The following LIMCH1 variants were observed in gnomAD, a reference collection of about 807,000 sequenced individuals.
The protein encoded by LIMCH1 is LIM and calponin homology domains-containing protein 1.
In LIMCH1, 113 loss-of-function variants were observed where a neutral mutation model predicts 176.5. The observed-to-expected ratio is 0.64, with a 90% CI of 0.55 to 0.75. The LOEUF (loss-of-function observed/expected upper bound fraction) is 0.75, where lower values mean the gene tolerates loss of function less well. Among genes scored for constraint, LIMCH1 ranks in the 30% least tolerant of loss-of-function variants. The pLI, the probability that LIMCH1 is intolerant of heterozygous loss-of-function variation, is 0.00. For synonymous variants in LIMCH1, 619 were observed against 645.9 expected (o/e 0.96, Z 0.63); for missense variants, 1,674 against 1,814.9 (o/e 0.92, Z 1.41).
chr4:41,564,851 A>G (rs1175118046), intron 1 of LIMCH1, among the ~76,000 whole-genome samples: 2 of 152,098 alleles, frequency 1.3e-5, no homozygotes, highest in Non-Finnish European at 2.9e-5. Flanking sequence ...GTGAGTTGTC[A>G]CGAGATCTTA....
At chr4:41,491,505 C>T (rs2154173690) in intron 1 of LIMCH1, among the ~76,000 whole-genome samples, 1 of 150,106 alleles carries the variant, frequency 6.7e-6, no homozygotes, top group African/African-American at 2.5e-5. Context: ...GACAGAGTGG[C>T]CAGGCAGAGG....
At chr4:41,655,946 C>T (rs2094452220) in intron 18 of LIMCH1, among the ~76,000 whole-genome samples, 1 of 152,092 alleles carries the variant, frequency 6.6e-6, no homozygotes, top group African/African-American at 2.4e-5. Context: ...CCTTTCCATG[C>T]CTGTTCATCA....
In LIMCH1 at chr4:41,684,519, G is replaced by T. The variant is rs1266413399; in HGVS notation, c.3967+1G>T. 6.2e-7 allele frequency: 1 copy of T among 1,612,650 alleles called. No homozygotes were observed. Among genetic ancestry groups the T allele is most frequent in the Non-Finnish European group, 8.5e-7 (1 of 1,179,350 alleles). ...GGAACAAACCCACAGCTTGCTCAGG[G>T]TAAGAATGGAGAAGACCAGTTTCAT... On this transcript the variant is annotated splice_donor_variant, in intron 27 of 31. Transcript: ENST00000503057. LOFTEE classifies it high-confidence loss of function.
intron 1 of LIMCH1, among the ~76,000 whole-genome samples, chr4:41,414,100 T>A (rs898800871): frequency 3.3e-5 from 5 of 152,162 alleles, no homozygotes; most frequent in African/African-American, 4.8e-5. Context: ...CCCAAATATC[T>A]GGGAGTAAAT....
intron 1 of LIMCH1, among the ~76,000 whole-genome samples, chr4:41,556,924 G>C (rs964711457): frequency 3.9e-5 from 6 of 152,122 alleles, no homozygotes; most frequent in Admixed American, 3.3e-4. Flanking sequence ...CTGAATAAGG[G>C]AAGGTATTTG....
At chr4:41,695,537 A>T (rs1287870114) in intron 31 of LIMCH1, among the ~76,000 whole-genome samples, 1 of 152,012 alleles carries the variant, frequency 6.6e-6, no homozygotes, top group Non-Finnish European at 1.5e-5. Flanking sequence ...ATTTCTGGAT[A>T]TTTTATTATG....
intron 1 of LIMCH1, among the ~76,000 whole-genome samples, chr4:41,450,370 T>A (rs2154146249): frequency 6.6e-6 from 1 of 152,250 alleles, no homozygotes; most frequent in East Asian, 1.9e-4. Context: ...TATGGGTAAA[T>A]CACATTAGGG....
At chr4:41,500,165 T>C (rs1029865996) in intron 2 of LIMCH1, among the ~76,000 whole-genome samples, 4 of 152,252 alleles carry the variant, frequency 2.6e-5, no homozygotes, top group African/African-American at 4.8e-5. Flanking sequence ...TAATATGCCT[T>C]TTCTATTTTG....
chr4:41,407,533 C>T (rs1297896584), intron 1 of LIMCH1, among the ~76,000 whole-genome samples: 1 of 152,202 alleles, frequency 6.6e-6, no homozygotes, highest in Non-Finnish European at 1.5e-5. Flanking sequence ...CCTGGCCCCC[C>T]ATCATCTTTA....
intron 1 of LIMCH1, among the ~76,000 whole-genome samples, chr4:41,375,783 C>T (rs145631638): frequency 1.2e-3 from 178 of 152,348 alleles, no homozygotes; most frequent in African/African-American, 4.1e-3. Flanking sequence ...GCAGCTGGGT[C>T]CTACCCAGGG....
chr4:41,398,998 A>G (rs1373429148), intron 1 of LIMCH1, among the ~76,000 whole-genome samples: 3 of 152,212 alleles, frequency 2.0e-5, no homozygotes, highest in African/African-American at 7.2e-5. Context: ...GGAGAATTCT[A>G]TGAAAAGATT....
intron 1 of LIMCH1, among the ~76,000 whole-genome samples, chr4:41,416,684 T>G (rs1357953629): frequency 2.0e-5 from 3 of 151,582 alleles, no homozygotes; most frequent in Non-Finnish European, 4.4e-5. Flanking sequence ...AAAAGAAAAT[T>G]TTATCACTAG....
At chr4:41,447,645 A>G (rs1048194343) in intron 1 of LIMCH1, among the ~76,000 whole-genome samples, 3 of 152,190 alleles carry the variant, frequency 2.0e-5, no homozygotes, top group Admixed American at 6.5e-5. Context: ...TTAATTCTGG[A>G]TCCTGAAAAT....
chr4:41,634,915 C>A (rs1562013853), intron 13 of LIMCH1, among the ~76,000 whole-genome samples: 1 of 152,168 alleles, frequency 6.6e-6, no homozygotes, highest in Non-Finnish European at 1.5e-5. Flanking sequence ...TTTCCAGATG[C>A]CCTGGACTTG....
intron 1 of LIMCH1, among the ~76,000 whole-genome samples, chr4:41,592,690 C>G (rs2087859181): frequency 6.6e-6 from 1 of 152,154 alleles, no homozygotes; most frequent in African/African-American, 2.4e-5. Context: ...ATTTTGACAT[C>G]CCCACAGGTC....
At position 41,497,674 on chromosome 4, in the gene LIMCH1, G is replaced by A. The variant is rs1180474728; in HGVS notation, c.167+3068G>A. Reference sequence around the variant, plus strand: ...CAAAAAATTAGCTGGGCTTGGTGGCGGATGCCTGTAATCCCAGCTACTCGG... The same window carrying A: ...CAAAAAATTAGCTGGGCTTGGTGGCAGATGCCTGTAATCCCAGCTACTCGG... On this transcript the variant is annotated intron_variant, in intron 2 of 26. Transcript: ENST00000313860. Among the ~76,000 whole-genome samples, 12 of 152,058 alleles carry A rather than the reference G, an allele frequency of 7.9e-5. No homozygotes were observed. In the East Asian group the frequency reaches 9.7e-4, roughly 12 times the overall value.
At chr4:41,450,675 G>A (rs1387493281) in intron 1 of LIMCH1, among the ~76,000 whole-genome samples, 1 of 151,524 alleles carries the variant, frequency 6.6e-6, no homozygotes, top group African/African-American at 2.4e-5. Flanking sequence ...AGCAACTGTA[G>A]TCCCAGCTAC....
chr4:41,428,592 G>T (rs2061327213), intron 1 of LIMCH1, among the ~76,000 whole-genome samples: 1 of 152,316 alleles, frequency 6.6e-6, no homozygotes, highest in Middle Eastern at 3.4e-3. Flanking sequence ...TATTCAGAAT[G>T]TGGCTTTAAG....
chr4:41,519,555 C>T (rs927200370), intron 2 of LIMCH1, among the ~76,000 whole-genome samples: 8 of 152,154 alleles, frequency 5.3e-5, no homozygotes, highest in African/African-American at 1.9e-4. Flanking sequence ...CTGGTGTTTG[C>T]TAGGCAAGCT....
Sources: gnomAD v4.1 joint callset for allele counts (sites outside exome capture counted in the v4.1 genomes callset) on GRCh38, gnomAD v4.1.1 for gene constraint, MANE v1.5 for transcripts, NCBI Gene and HGNC (gene_info 2026-07-23, HGNC 2026-07-21) for gene names.